The following SOS1 variants were observed in gnomAD, a reference collection of about 807,000 sequenced individuals.
The protein encoded by SOS1 is SOS Ras/Rac guanine nucleotide exchange factor 1.
SOS1 carries 25 observed loss-of-function variants against 157.6 expected under a neutral mutation model. The observed-to-expected ratio is 0.16, with a 90% CI of 0.12 to 0.22. SOS1 has a LOEUF of 0.22. SOS1 is among the 10% of genes least tolerant of loss of function. SOS1 has a pLI of 1.00. For missense variants in SOS1, 1,237 were observed against 1,599.1 expected, an observed-to-expected ratio of 0.77 and a Z score of 3.86; for synonymous variants, 528 against 534.0, an observed-to-expected ratio of 0.99 and a Z score of 0.16.
chr2:39,079,241 T>A (rs1672122008), intron 1 of SOS1, among the ~76,000 whole-genome samples: 1 of 11,716 alleles, frequency 8.5e-5, no homozygotes, highest in Non-Finnish European at 1.8e-4. Context: ...ATAAATGAAA[T>A]CTCCAAAACA....
At chr2:39,008,152 C>T (rs1356069840) in intron 15 of SOS1, among the ~76,000 whole-genome samples, 2 of 152,200 alleles carry the variant, frequency 1.3e-5, no homozygotes, top group Non-Finnish European at 2.9e-5. Context: ...AGTAGGAATA[C>T]CCTTTTTTGC....
intron 1 of SOS1, among the ~76,000 whole-genome samples, chr2:39,075,606 C>G (rs1671942881): frequency 4.6e-5 from 1 of 21,590 alleles, no homozygotes; most frequent in South Asian, 2.0e-3. Flanking sequence ...GAGTCCGAGA[C>G]CAGCCTGGAG....
chr2:39,003,916 T>C (rs1669195467), intron 17 of SOS1, among the ~76,000 whole-genome samples: 1 of 152,148 alleles, frequency 6.6e-6, no homozygotes, highest in Admixed American at 6.5e-5. Context: ...TGCAGGATGT[T>C]AACAATATCT....
rs1403682891 is a variant in SOS1, at chr2:38,984,345, T to TA, written c.*1478dup. ...TTGTTAGACTCAGAAGAACAGTACA[T>TA]ACGCTTTATGAATAATCCATATTAT... is the stretch of plus-strand genomic sequence containing the variant. On this transcript the variant is annotated 3_prime_UTR_variant, in exon 23 of 23. Coordinates refer to ENST00000402219, the MANE Select transcript of SOS1 (RefSeq NM_005633.4). The TA allele has an allele frequency of 1.3e-5, 2 of 152,152 alleles. No homozygotes were observed. The highest frequency in any genetic ancestry group is 2.4e-5 in the African/African-American group (1 of 41,466). 9.4% of individuals were successfully genotyped at this position (152,152 alleles called of 1,614,324 possible).
Position 39,054,666 on chromosome 2 carries a change from A to G in SOS1, c.668T>C (p.Ile223Thr), listed in dbSNP as rs397517176. The G allele has an allele frequency of 1.9e-6, 3 of 1,598,278 alleles. No individual in the cohort carries two copies. Among genetic ancestry groups the G allele is most frequent in the Middle Eastern group, 1.7e-4 (1 of 5,986 alleles). Residue 223 changes from isoleucine to threonine, a missense_variant, in exon 5 of 23, where the codon ATA (isoleucine) becomes ACA (threonine). Around this residue, in one of 15 missense-constraint regions of SOS1, gnomAD observed 108 missense variants for 115.3 expected, o/e 0.94. Transcript: ENST00000402219. ...RQYIRELNLI[I>T]KVFREPFVSN... ...GACAAAGGGCTCTCTAAAAACTTTTATAATTAGATTTAGTTCCCTTATATA... is the reference window on the plus strand; with the variant it reads ...GACAAAGGGCTCTCTAAAAACTTTTGTAATTAGATTTAGTTCCCTTATATA...
At position 39,006,361 on chromosome 2, in the gene SOS1, G is replaced by A; in HGVS notation, c.2791+51C>T. 4.6e-6 allele frequency: 4 copies of A among 869,812 alleles called. No homozygotes were observed. The East Asian group carries it at 9.7e-5, about 21-fold the overall frequency. 53.9% of individuals were successfully genotyped at this position (869,812 alleles called of 1,614,324 possible). ...ATTATTCAGTCATTTAATGAAATGA[G>A]TGTTTTGTTTTATCCAGAAATGCAA... On this transcript the variant is annotated intron_variant, in intron 17 of 22. Coordinates refer to ENST00000402219, the MANE Select transcript of SOS1 (RefSeq NM_005633.4).
intron 8 of SOS1, among the ~76,000 whole-genome samples, chr2:39,032,736 C>T (rs932342447): frequency 3.9e-5 from 6 of 152,196 alleles, no homozygotes; most frequent in South Asian, 2.1e-4. Context: ...CTGAGGTGGG[C>T]GGATCACCTG....
intron 1 of SOS1, among the ~76,000 whole-genome samples, chr2:39,101,160 T>C (rs1473604781): frequency 6.6e-6 from 1 of 152,074 alleles, no homozygotes; most frequent in Non-Finnish European, 1.5e-5. Context: ...GGGGAGCAAA[T>C]GTGTCACATG....
At position 39,118,942 on chromosome 2, in the gene SOS1, G is replaced by A. The variant is rs1673761852; in HGVS notation, c.87+1394C>T. ...GCTGATACCTTGGTGATTCCCCTGGGAAAGGAGCTGCTTTTGCCTCTAAGC... is the reference window on the plus strand; with the variant it reads ...GCTGATACCTTGGTGATTCCCCTGGAAAAGGAGCTGCTTTTGCCTCTAAGC... On this transcript the variant is annotated intron_variant, in intron 1 of 22. Transcript: ENST00000402219. Among the ~76,000 whole-genome samples the A allele has an allele frequency of 2.0e-5, 3 of 152,190 alleles. No homozygotes were observed. The South Asian group carries it at 6.2e-4, about 31-fold the overall frequency.
intron 10 of SOS1, among the ~76,000 whole-genome samples, chr2:39,016,621 C>G (rs759554078): frequency 6.6e-6 from 1 of 152,130 alleles, no homozygotes; most frequent in Non-Finnish European, 1.5e-5. Context: ...TAGAGAGATG[C>G]TGAGTTGTCA....
At chr2:39,122,445 T>TAC (rs1353516539), upstream of SOS1, among the ~76,000 whole-genome samples, 6 of 28,762 alleles carry the variant, frequency 2.1e-4, no homozygotes, top group African/African-American at 1.0e-3. Flanking sequence ...CAAAAAAAAA[T>TAC]ATACACACAC....
intron 17 of SOS1, among the ~76,000 whole-genome samples, chr2:39,005,261 G>A (rs1034769101): frequency 4.6e-5 from 7 of 152,270 alleles, no homozygotes; most frequent in African/African-American, 1.7e-4. Flanking sequence ...AACTGAAACC[G>A]TGGAAAGTGA....
intron 1 of SOS1, among the ~76,000 whole-genome samples, chr2:39,081,139 G>A (rs1672188147): frequency 6.6e-6 from 1 of 152,068 alleles, no homozygotes; most frequent in Non-Finnish European, 1.5e-5. Context: ...CTCCAGCCTG[G>A]AGTGGCTGGA....
chr2:39,028,242 T>C (rs1670034115), intron 8 of SOS1, among the ~76,000 whole-genome samples: 4 of 152,186 alleles, frequency 2.6e-5, no homozygotes, highest in Admixed American at 2.6e-4. Flanking sequence ...AAAGAGGCAA[T>C]AGTCAATATG....
intron 1 of SOS1, chr2:39,082,444 A>G (rs1030634385): frequency 6.6e-6 from 1 of 152,134 alleles, no homozygotes; most frequent in Non-Finnish European, 1.5e-5. Context: ...TCTGGCAAAA[A>G]AAACCAAAAA....
At chr2:38,990,189 A>T (rs1372226884) in intron 20 of SOS1, among the ~76,000 whole-genome samples, 3 of 151,366 alleles carry the variant, frequency 2.0e-5, no homozygotes, top group African/African-American at 7.3e-5. Context: ...TTTTTGCACA[A>T]TAGGCAATCC....
At chr2:39,088,221 G>A (rs1026548362) in intron 1 of SOS1, among the ~76,000 whole-genome samples, 3 of 13,962 alleles carry the variant, frequency 2.1e-4, no homozygotes, top group African/African-American at 7.3e-4. Flanking sequence ...ACAATAAACT[G>A]AAAAGCTTTT....
At chr2:39,010,086 G>A (rs1669412031) in intron 15 of SOS1, among the ~76,000 whole-genome samples, 1 of 152,026 alleles carries the variant, frequency 6.6e-6, no homozygotes, top group Admixed American at 6.6e-5. Context: ...GAGGCCAAGA[G>A]GGGTGGATCA....
intron 10 of SOS1, among the ~76,000 whole-genome samples, chr2:39,021,525 GAAAAAAAAA>G (rs70954777): frequency 2.9e-5 from 3 of 104,704 alleles, no homozygotes; most frequent in Admixed American, 9.7e-5. Flanking sequence ...TGCTCTACAG[GAAAAAAAAA>G]AAAAAAAAAA....
Sources: gnomAD v4.1 joint callset for allele counts (sites outside exome capture counted in the v4.1 genomes callset) on GRCh38, gnomAD v4.1.1 for gene constraint, gnomAD v4.1.1 regional missense constraint, MANE v1.5 for transcripts, NCBI Gene and HGNC (gene_info 2026-07-23, HGNC 2026-07-21) for gene names.